VWA3B: variants seen among roughly 807,000 people sequenced by gnomAD.
The protein encoded by VWA3B is von Willebrand factor A domain containing 3B.
In VWA3B, 138 loss-of-function variants were observed where a neutral mutation model predicts 158.3. That is an observed-to-expected ratio of 0.87 (90% CI 0.76 to 1.00). VWA3B has a LOEUF of 1.00. Ranked by LOEUF, VWA3B falls within the 50% of genes least tolerant of loss-of-function variation. The pLI is 0.00. For missense variants in VWA3B, 1,555 were observed against 1,565.1 expected (o/e 0.99, Z 0.11); for synonymous variants, 596 against 587.3 (o/e 1.01, Z -0.21).
intron 19 of VWA3B, among the ~76,000 whole-genome samples, chr2:98,249,443 G>T (rs1183577018): frequency 1.3e-5 from 2 of 152,178 alleles, no homozygotes; most frequent in African/African-American, 4.8e-5. Context: ...TTCTAGAGAA[G>T]ATGAGGTAAG....
chr2:98,150,830 C>G (rs964900721), intron 7 of VWA3B, among the ~76,000 whole-genome samples: 1 of 152,224 alleles, frequency 6.6e-6, no homozygotes, highest in Non-Finnish European at 1.5e-5. Flanking sequence ...ATGCCACTGA[C>G]TCTCTGGAGG....
chr2:98,230,370 A>G (rs1685254420), intron 16 of VWA3B, among the ~76,000 whole-genome samples, 163 bp downstream of exon 16: 1 of 152,238 alleles, frequency 6.6e-6, no homozygotes, highest in Non-Finnish European at 1.5e-5. Flanking sequence ...GATCTTATAT[A>G]TACCTACGCT....
chr2:98,212,466 C>A (rs567199362), intron 13 of VWA3B, among the ~76,000 whole-genome samples: 7 of 152,108 alleles, frequency 4.6e-5, no homozygotes, highest in African/African-American at 1.7e-4. Flanking sequence ...GCCTTTCTAG[C>A]GAAATGTCCT....
chr2:98,194,674 A>G (rs545316923), intron 12 of VWA3B, among the ~76,000 whole-genome samples, 182 bp downstream of exon 12: 4 of 152,262 alleles, frequency 2.6e-5, no homozygotes, highest in African/African-American at 7.2e-5. Flanking sequence ...TGTCAATATC[A>G]TAAGGTTTAG....
At chr2:98,145,985 TTGGCCTCTCAAACTGC>T (rs1319883492) in intron 7 of VWA3B, among the ~76,000 whole-genome samples, 1 of 152,180 alleles carries the variant, frequency 6.6e-6, no homozygotes, top group Non-Finnish European at 1.5e-5. Context: ...TCTTCCTGCC[TTGGCCTCTCAAACTGC>T]TGGGATTACA....
intron 22 of VWA3B, among the ~76,000 whole-genome samples, chr2:98,282,084 A>G (rs1195102104): frequency 6.6e-6 from 1 of 152,172 alleles, no homozygotes; most frequent in African/African-American, 2.4e-5. Flanking sequence ...ACTGTACGGC[A>G]CCCCGAAGTC....
At chr2:98,286,430 A>C (rs753279871) in intron 22 of VWA3B, among the ~76,000 whole-genome samples, 6 of 152,236 alleles carry the variant, frequency 3.9e-5, no homozygotes, top group Admixed American at 6.5e-5. Context: ...CAAATTGAGA[A>C]TGTTTTCTTC....
At chr2:98,118,488 C>T (rs569712514) in intron 3 of VWA3B, among the ~76,000 whole-genome samples, 3 of 152,166 alleles carry the variant, frequency 2.0e-5, no homozygotes, top group South Asian at 2.1e-4. Context: ...GGAAGGTGAC[C>T]GCATCCACCT....
downstream of VWA3B, among the ~76,000 whole-genome samples, chr2:98,315,299 C>T (rs567926035): frequency 1.2e-4 from 18 of 152,224 alleles, no homozygotes; most frequent in African/African-American, 3.9e-4. Context: ...ATCTGTTAAA[C>T]ACACTCACAG....
chr2:98,092,669 C>CAAT, intron 1 of VWA3B, among the ~76,000 whole-genome samples: 1 of 151,482 alleles, frequency 6.6e-6, no homozygotes, highest in African/African-American at 2.4e-5. Context: ...AAAACAACAA[C>CAAT]AACAACAACA....
chr2:98,278,228 G>A (rs144425853), intron 22 of VWA3B, among the ~76,000 whole-genome samples: 1,962 of 152,276 alleles, frequency 0.013, 16 homozygotes, highest in Non-Finnish European at 0.018. Context: ...AGCCCCTCTC[G>A]GGAGAGGGAG....
At chr2:98,203,567 G>A (rs4851935) in intron 12 of VWA3B, among the ~76,000 whole-genome samples, 87,051 of 152,100 alleles carry the variant, frequency 0.57, 25,336 homozygotes, top group South Asian at 0.78. Flanking sequence ...CATGAATACA[G>A]TATGTCTCTC....
At chr2:98,153,985 C>T (rs1677852071) in intron 7 of VWA3B, among the ~76,000 whole-genome samples, 1 of 152,064 alleles carries the variant, frequency 6.6e-6, no homozygotes, top group Admixed American at 6.5e-5. Context: ...CCTCAGCCTC[C>T]GGAGTAGCTG....
intron 6 of VWA3B, among the ~76,000 whole-genome samples, chr2:98,131,791 T>G (rs1675891182): frequency 6.6e-6 from 1 of 152,202 alleles, no homozygotes. Flanking sequence ...CCCATCACTT[T>G]GCATAATACC....
chr2:98,265,373 T>A (rs1296200038), intron 21 of VWA3B, among the ~76,000 whole-genome samples: 1 of 151,666 alleles, frequency 6.6e-6, no homozygotes, highest in African/African-American at 2.4e-5. Flanking sequence ...GGACATGAAC[T>A]CATCCTTTTT....
chr2:98,142,384 G>A (rs13396689), intron 7 of VWA3B, among the ~76,000 whole-genome samples: 97,997 of 151,936 alleles, frequency 0.64, 33,755 homozygotes, highest in African/African-American at 0.89. Flanking sequence ...GCCAAAGGCA[G>A]GCTCCCTTTT....
At position 98,125,740 on chromosome 2, in the gene VWA3B, T is replaced by A. The variant is rs1313783007; in HGVS notation, c.703-2499T>A. On this transcript the variant is annotated intron_variant, in intron 5 of 27. Coordinates refer to ENST00000477737, the MANE Select transcript of VWA3B (RefSeq NM_144992.5). This position sits in a 1 kb window ranked among gnomAD's most constrained non-coding sequence, Gnocchi z 4.1. ...AGTGCAGTGGCACGATTCGGCTCAC[T>A]GCAAGCTCCGCCTCCCAGGTTCACG... Among the ~76,000 whole-genome samples, 1 of 152,178 alleles carries A rather than the reference T, an allele frequency of 6.6e-6. No homozygotes were observed. The highest frequency in any genetic ancestry group is 2.4e-5 in the African/African-American group (1 of 41,444).
intron 1 of VWA3B, among the ~76,000 whole-genome samples, chr2:98,092,833 T>C (rs1488219984): frequency 8.3e-6 from 1 of 120,206 alleles, no homozygotes; most frequent in African/African-American, 3.5e-5. Context: ...TATATATATA[T>C]ATATATATAT....
intron 8 of VWA3B, among the ~76,000 whole-genome samples, chr2:98,171,423 G>C (rs1157395836): frequency 6.6e-6 from 1 of 152,148 alleles, no homozygotes; most frequent in Non-Finnish European, 1.5e-5. Context: ...AGATGGGAGA[G>C]AGCCGGGAGT....
Sources: allele counts gnomAD v4.1 joint callset (sites outside exome capture counted in the v4.1 genomes callset), GRCh38; gene constraint gnomAD v4.1.1; non-coding constraint Gnocchi (gnomAD v3.1); transcripts MANE v1.5; gene names NCBI Gene and HGNC (gene_info 2026-07-23, HGNC 2026-07-21).